Variants in PDE3B observed in about 807,000 individuals in gnomAD.
The protein encoded by PDE3B is phosphodiesterase 3B.
Under a neutral mutation model 116.8 loss-of-function variants are expected in PDE3B, and 66 were observed. That is an observed-to-expected ratio of 0.56 (90% confidence interval 0.46 to 0.69). The LOEUF is 0.69. PDE3B is among the 30% of genes least tolerant of loss of function. The pLI, the probability that PDE3B is intolerant of heterozygous loss-of-function variation, is 0.00. For synonymous variants in PDE3B, 595 were observed against 533.6 expected (o/e 1.12, Z -1.59); for missense variants, 1,384 against 1,368.1 (o/e 1.01, Z -0.18).
intron 1 of PDE3B, among the ~76,000 whole-genome samples, chr11:14,663,647 C>A (rs1854016149): frequency 6.6e-6 from 1 of 152,034 alleles, no homozygotes. Context: ...AGACTTTAAA[C>A]CAACAAAGAT....
At chr11:14,689,480 G>T (rs1246963970) in intron 1 of PDE3B, among the ~76,000 whole-genome samples, 1 of 152,146 alleles carries the variant, frequency 6.6e-6, no homozygotes, top group Admixed American at 6.6e-5. Context: ...TTTGCTTGTG[G>T]AATTGATAGT....
chr11:14,836,425 G>A (rs1003105568), intron 11 of PDE3B, among the ~76,000 whole-genome samples: 12 of 151,918 alleles, frequency 7.9e-5, no homozygotes, highest in Admixed American at 5.9e-4. Flanking sequence ...AATCCTGCCT[G>A]ATGTTTAGTG....
intron 1 of PDE3B, among the ~76,000 whole-genome samples, chr11:14,658,632 G>C (rs552357019): frequency 6.6e-6 from 1 of 152,188 alleles, no homozygotes; most frequent in African/African-American, 2.4e-5. Flanking sequence ...TGAGATTACA[G>C]GCATGAGCCA....
chr11:14,812,965 C>T (rs184628126), intron 5 of PDE3B, among the ~76,000 whole-genome samples: 1 of 152,136 alleles, frequency 6.6e-6, no homozygotes, highest in African/African-American at 2.4e-5. Flanking sequence ...AAAGAGACCT[C>T]AAAGAGCTCT....
At chr11:14,694,117 G>A (rs1475223753) in intron 1 of PDE3B, among the ~76,000 whole-genome samples, 2 of 152,178 alleles carry the variant, frequency 1.3e-5, no homozygotes, top group Non-Finnish European at 2.9e-5. Context: ...TTACTTCAGT[G>A]TCATGAAAAA....
intron 4 of PDE3B, among the ~76,000 whole-genome samples, chr11:14,794,682 C>G (rs767632787): frequency 6.6e-6 from 1 of 152,104 alleles, no homozygotes; most frequent in Non-Finnish European, 1.5e-5. Context: ...GGACTCAGTC[C>G]GACAAGACTG....
chr11:14,689,479 G>A (rs1854987093), intron 1 of PDE3B, among the ~76,000 whole-genome samples: 1 of 152,048 alleles, frequency 6.6e-6, no homozygotes, highest in Non-Finnish European at 1.5e-5. Context: ...CTTTGCTTGT[G>A]GAATTGATAG....
intron 7 of PDE3B, among the ~76,000 whole-genome samples, chr11:14,822,137 A>G (rs7102037): frequency 0.14 from 21,515 of 152,050 alleles, 2,223 homozygotes; most frequent in African/African-American, 0.3. Flanking sequence ...TTTTGGCTTC[A>G]AGTGATCCTC....
Position 14,707,395 on chromosome 11 carries a change from C to T in PDE3B, c.978+62342C>T, listed in dbSNP as rs542180037. Among the ~76,000 whole-genome samples, 25 of 151,970 alleles carry T rather than the reference C, an allele frequency of 1.6e-4. 1 individual carries two copies. The South Asian group carries it at 4.8e-3, about 29-fold the overall frequency. On this transcript the variant is annotated intron_variant, in intron 1 of 15. Coordinates refer to ENST00000282096, the MANE Select transcript of PDE3B (RefSeq NM_000922.4). ...AAGTAGAGGAGGGTGGAAAGATAGCCAGGACCTATCTTTCACAGATAGCCT... is the reference window on the plus strand; with the variant it reads ...AAGTAGAGGAGGGTGGAAAGATAGCTAGGACCTATCTTTCACAGATAGCCT...
chr11:14,878,280 CAAG>C, the PDE3B span: 1 of 1,612,934 alleles, frequency 6.2e-7, no homozygotes, highest in Admixed American at 1.7e-5. Context: ...AAGTGTTCTC[CAAG>C]ACAATGTCTT....
intron 1 of PDE3B, chr11:14,699,157 A>G (rs1855294450): frequency 6.6e-6 from 1 of 151,956 alleles, no homozygotes; most frequent in African/African-American, 2.4e-5. Context: ...CTGTGTGAGA[A>G]CAAATGGTTA....
chr11:14,761,114 C>A (rs527263643), intron 1 of PDE3B, among the ~76,000 whole-genome samples: 1 of 152,140 alleles, frequency 6.6e-6, no homozygotes, highest in East Asian at 1.9e-4. Context: ...TGTGTATTTG[C>A]TTCCTAATAA....
At chr11:14,686,195 C>T (rs922001098) in intron 1 of PDE3B, among the ~76,000 whole-genome samples, 1 of 152,276 alleles carries the variant, frequency 6.6e-6, no homozygotes, top group East Asian at 1.9e-4. Flanking sequence ...AATTTTTTTA[C>T]GTTCTTCCTA....
chr11:14,766,413 C>T (rs1857499207), intron 1 of PDE3B, among the ~76,000 whole-genome samples: 1 of 151,634 alleles, frequency 6.6e-6, no homozygotes, highest in Non-Finnish European at 1.5e-5. Flanking sequence ...GAGTCACTTG[C>T]TAAGTTGATG....
At chr11:14,875,848 C>T (rs1216475187), downstream of PDE3B, among the ~76,000 whole-genome samples, 1 of 152,124 alleles carries the variant, frequency 6.6e-6, no homozygotes, top group Non-Finnish European at 1.5e-5. Flanking sequence ...AGTTAAGGCC[C>T]TTCTACCTTT....
chr11:14,835,116 C>G, intron 11 of PDE3B, 21 bp downstream of exon 11: 4 of 1,422,350 alleles, frequency 2.8e-6, no homozygotes, highest in Non-Finnish European at 3.9e-6. Flanking sequence ...CTACAAATCT[C>G]TTAATTATTT....
At chr11:14,691,031 G>C (rs907418451) in intron 1 of PDE3B, among the ~76,000 whole-genome samples, 5 of 152,100 alleles carry the variant, frequency 3.3e-5, no homozygotes, top group African/African-American at 1.2e-4. Flanking sequence ...TAGCAAGAGA[G>C]GTTAAAGCAG....
chr11:14,759,724 T>A (rs1276693751), intron 1 of PDE3B, among the ~76,000 whole-genome samples: 1 of 152,012 alleles, frequency 6.6e-6, no homozygotes, highest in Non-Finnish European at 1.5e-5. Context: ...AATTTTTGTA[T>A]TTTTAGTAGA....
chr11:14,713,554 A>G, intron 1 of PDE3B, among the ~76,000 whole-genome samples: 1 of 152,134 alleles, frequency 6.6e-6, no homozygotes, highest in East Asian at 1.9e-4. Context: ...TGGAAACTAT[A>G]CTGCCAGCTT....
Sources: gnomAD v4.1 joint callset for allele counts (sites outside exome capture counted in the v4.1 genomes callset) on GRCh38, gnomAD v4.1.1 for gene constraint, MANE v1.5 for transcripts, NCBI Gene and HGNC (gene_info 2026-07-23, HGNC 2026-07-21) for gene names.